EPS8: variants seen among roughly 807,000 people sequenced by gnomAD.
EPS8 encodes EGFR pathway substrate 8, signaling adaptor, also known as epidermal growth factor receptor kinase substrate 8.
A neutral mutation model predicts 103.8 loss-of-function variants in EPS8; 42 were observed. The observed-to-expected ratio is 0.40, with a 90% CI of 0.32 to 0.52. The LOEUF (loss-of-function observed/expected upper bound fraction) is 0.52. Among genes scored for constraint, EPS8 ranks in the 20% least tolerant of loss-of-function variants. The probability of loss-of-function intolerance (pLI) is 0.40; values close to 1 mark genes in which losing one functional copy is unlikely to be tolerated. For missense variants in EPS8, 969 were observed against 1,005.1 expected, an observed-to-expected ratio of 0.96 and a Z score of 0.49; for synonymous variants, 344 against 344.6, an observed-to-expected ratio of 1.00 and a Z score of 0.02.
At chr12:15,756,850 G>A (rs1946991123) in intron 1 of EPS8, among the ~76,000 whole-genome samples, 1 of 152,126 alleles carries the variant, frequency 6.6e-6, no homozygotes. Context: ...ACATAAGAGT[G>A]CACTTAAAAT....
Position 15,725,528 on chromosome 12 carries a change from C to G in EPS8, c.-21-42556G>C, listed in dbSNP as rs1946643401. On this transcript the variant is annotated intron_variant, in intron 1 of 20. Coordinates refer to ENST00000281172, the MANE Select transcript of EPS8 (RefSeq NM_004447.6). This position sits in a 1 kb window ranked among gnomAD's most constrained non-coding sequence, Gnocchi z 4.5. ...CACATACATTTTGTAGTTTACACGG[C>G]ACTTCATTTACATTGTCCTGCCTAA... Among the ~76,000 whole-genome samples the G allele has an allele frequency of 6.6e-6, 1 of 151,156 alleles. No homozygotes were observed. The highest frequency in any genetic ancestry group is 2.1e-4 in the South Asian group (1 of 4,788).
intron 9 of EPS8, 79 bp downstream of exon 9, chr12:15,661,947 T>G: frequency 9.7e-7 from 1 of 1,028,830 alleles, no homozygotes; most frequent in South Asian, 1.4e-5. Flanking sequence ...TCTATTTAAA[T>G]CAGCTTCATT....
intron 1 of EPS8, among the ~76,000 whole-genome samples, chr12:15,750,277 C>T (rs1212103586): frequency 6.6e-6 from 1 of 152,154 alleles, no homozygotes; most frequent in African/African-American, 2.4e-5. Context: ...CATGCACATG[C>T]ACACACACAA....
chr12:15,621,517 C>T, intron 20 of EPS8, 87 bp from the exon 21 acceptor site: 1 of 685,144 alleles, frequency 1.5e-6, no homozygotes, highest in Non-Finnish European at 2.4e-6. Flanking sequence ...TAAAATTCTA[C>T]TGTGGTTTTC....
At position 15,761,200 on chromosome 12, in the gene EPS8, A is replaced by G. The variant is rs1394152018; in HGVS notation, c.-22+27961T>C. Among the ~76,000 whole-genome samples the G allele has an allele frequency of 6.6e-6, 1 of 152,274 alleles. No individual in the cohort carries two copies. Among genetic ancestry groups the G allele is most frequent in the East Asian group, 1.9e-4 (1 of 5,186 alleles). ...GTAATCCCATTTACAACAGCCACAC[A>G]TAAAATTAAATACCTAGGAATTAAC... On this transcript the variant is annotated intron_variant, in intron 1 of 20. Coordinates refer to ENST00000281172, the MANE Select transcript of EPS8 (RefSeq NM_004447.6). The surrounding 1 kb of genome is among the most constrained non-coding windows in gnomAD (Gnocchi z 4.5).
In EPS8 at chr12:15,745,750, G is replaced by A. The variant is rs1028260774; in HGVS notation, c.-22+43411C>T. On this transcript the variant is annotated intron_variant, in intron 1 of 20. Transcript: ENST00000281172. The surrounding 1 kb of genome is among the most constrained non-coding windows in gnomAD (Gnocchi z 4.6). ...ATTTTCATAGACTATCTAGATAATA[G>A]CTCAAGTTCTCTGCCTTTTAGTAGA... is the stretch of plus-strand genomic sequence containing the variant. Among the ~76,000 whole-genome samples the A allele has an allele frequency of 1.3e-5, 2 of 152,128 alleles. No individual in the cohort carries two copies. Among genetic ancestry groups the A allele is most frequent in the Non-Finnish European group, 2.9e-5 (2 of 68,024 alleles).
At chr12:15,705,944 T>C (rs926799848) in intron 1 of EPS8, among the ~76,000 whole-genome samples, 11 of 151,752 alleles carry the variant, frequency 7.2e-5, no homozygotes, top group South Asian at 4.2e-4. Flanking sequence ...ATGTAAAACA[T>C]ACACAAGTAT....
intron 8 of EPS8, chr12:15,662,387 C>G: frequency 8.8e-7 from 1 of 1,135,992 alleles, no homozygotes; most frequent in Non-Finnish European, 1.1e-6. Context: ...ACCTGTAGAA[C>G]CAACCTTAAC....
intron 3 of EPS8, among the ~76,000 whole-genome samples, chr12:15,676,995 T>C (rs922605879): frequency 1.3e-5 from 2 of 152,216 alleles, no homozygotes; most frequent in African/African-American, 4.8e-5. Flanking sequence ...AAAATATTTC[T>C]AGAGCATTAT....
Position 15,733,884 on chromosome 12 carries a change from G to A in EPS8, c.-21-50912C>T, listed in dbSNP as rs1284202257. 6.6e-6 allele frequency among the ~76,000 whole-genome samples: 1 copy of A among 151,870 alleles called. No homozygotes were observed. The highest frequency in any genetic ancestry group is 1.5e-5 in the Non-Finnish European group (1 of 67,982). The stretch of plus-strand genomic sequence containing the variant: ...TTTTATTTTTATTTTCTTGAAAAAG[G>A]GTCTCACTCTGTCACCCAGGCTGGA... On this transcript the variant is annotated intron_variant, in intron 1 of 20. Coordinates refer to ENST00000281172, the MANE Select transcript of EPS8 (RefSeq NM_004447.6). This position sits in a 1 kb window ranked among gnomAD's most constrained non-coding sequence, Gnocchi z 4.8.
In EPS8 at chr12:15,733,066, T is replaced by C. The variant is rs1946734760; in HGVS notation, c.-21-50094A>G. ...TGATTTTACTAGCAGCTGACCAGCATTCCTCTCCCAAAACAGATACTGGAA... is the reference window on the plus strand; with the variant it reads ...TGATTTTACTAGCAGCTGACCAGCACTCCTCTCCCAAAACAGATACTGGAA... On this transcript the variant is annotated intron_variant, in intron 1 of 20. Transcript: ENST00000281172. This position sits in a 1 kb window ranked among gnomAD's most constrained non-coding sequence, Gnocchi z 4.8. Among the ~76,000 whole-genome samples the C allele has an allele frequency of 6.6e-6, 1 of 152,176 alleles. No homozygotes were observed. The highest frequency in any genetic ancestry group is 1.9e-4 in the East Asian group (1 of 5,192).
intron 12 of EPS8, among the ~76,000 whole-genome samples, chr12:15,656,616 C>T (rs1476498202): frequency 6.6e-6 from 1 of 152,170 alleles, no homozygotes; most frequent in Non-Finnish European, 1.5e-5. Context: ...ATCTTACTTG[C>T]TGGTTCTTCC....
Position 15,777,745 on chromosome 12 carries a change from AAAG to A in EPS8, c.-22+11413_-22+11415del, listed in dbSNP as rs1947221652. Among the ~76,000 whole-genome samples, 2 of 152,180 alleles carry A rather than the reference AAAG, an allele frequency of 1.3e-5. No individual in the cohort carries two copies. Among genetic ancestry groups the A allele is most frequent in the East Asian group, 3.9e-4 (2 of 5,194 alleles). ...TGAAAAAGGGTGTCAGAAACGAGCA[AAAG>A]GAGGGGGAACAGCTGGGAGGAGGAA... On this transcript the variant is annotated intron_variant, in intron 1 of 20. Coordinates refer to ENST00000281172, the MANE Select transcript of EPS8 (RefSeq NM_004447.6). This position sits in a 1 kb window ranked among gnomAD's most constrained non-coding sequence, Gnocchi z 4.7.
At position 15,733,996 on chromosome 12, in the gene EPS8, C is replaced by A. The variant is rs1452546197; in HGVS notation, c.-21-51024G>T. Among the ~76,000 whole-genome samples the A allele has an allele frequency of 6.6e-6, 1 of 151,890 alleles. No individual in the cohort carries two copies. The highest frequency in any genetic ancestry group is 2.4e-5 in the African/African-American group (1 of 41,330). On this transcript the variant is annotated intron_variant, in intron 1 of 20. Transcript: ENST00000281172. The surrounding 1 kb of genome is among the most constrained non-coding windows in gnomAD (Gnocchi z 4.8). Reference sequence around the variant, plus strand: ...ACCTCAGCCTCCCAAGTCAGTGAGACCCTCAGCTAATTTTTGTATTTTTTG... The same window carrying A: ...ACCTCAGCCTCCCAAGTCAGTGAGAACCTCAGCTAATTTTTGTATTTTTTG...
chr12:15,645,768 A>G (rs1192690424), intron 15 of EPS8, among the ~76,000 whole-genome samples: 4 of 152,138 alleles, frequency 2.6e-5, no homozygotes, highest in Admixed American at 2.6e-4. Flanking sequence ...CAATCCATCA[A>G]TCAAATAAAT....
At chr12:15,654,413 G>C in intron 12 of EPS8, 120 bp from the exon 13 acceptor site, 1 of 894,388 alleles carries the variant, frequency 1.1e-6, no homozygotes. Context: ...ATTAACTTTT[G>C]ATGCTGTGCA....
chr12:15,675,517 T>C (rs1055601585), intron 3 of EPS8, among the ~76,000 whole-genome samples: 8 of 152,146 alleles, frequency 5.3e-5, no homozygotes, highest in African/African-American at 1.9e-4. Context: ...GGAGAATTAC[T>C]TGAACTAGGA....
intron 3 of EPS8, among the ~76,000 whole-genome samples, chr12:15,677,946 T>C (rs1048681325): frequency 5.3e-5 from 8 of 152,190 alleles, no homozygotes; most frequent in Non-Finnish European, 8.8e-5. Context: ...GCACATTAGC[T>C]TATGCGCTGT....
At position 15,700,603 on chromosome 12, in the gene EPS8, C is replaced by G. The variant is rs1210672220; in HGVS notation, c.-21-17631G>C. ...CTACAGTCACAATTAGATAAAAGAGCCTCAATGCCAACTGAGCAGAAAAAC... is the reference window on the plus strand; with the variant it reads ...CTACAGTCACAATTAGATAAAAGAGGCTCAATGCCAACTGAGCAGAAAAAC... On this transcript the variant is annotated intron_variant, in intron 1 of 20. Coordinates refer to ENST00000281172, the MANE Select transcript of EPS8 (RefSeq NM_004447.6). The surrounding 1 kb of genome is among the most constrained non-coding windows in gnomAD (Gnocchi z 5.1). 6.6e-6 allele frequency among the ~76,000 whole-genome samples: 1 copy of G among 152,074 alleles called. No individual in the cohort carries two copies. The highest frequency in any genetic ancestry group is 2.4e-5 in the African/African-American group (1 of 41,410).
Sources: allele counts gnomAD v4.1 joint callset (sites outside exome capture counted in the v4.1 genomes callset), GRCh38; gene constraint gnomAD v4.1.1; non-coding constraint Gnocchi (gnomAD v3.1); transcripts MANE v1.5; gene names NCBI Gene and HGNC (gene_info 2026-07-23, HGNC 2026-07-21).